ZWILCH: variants seen among roughly 807,000 people sequenced by gnomAD.
The protein encoded by ZWILCH is protein zwilch homolog.
A neutral mutation model predicts 79.9 loss-of-function variants in ZWILCH; 74 were observed. The observed-to-expected ratio is 0.93, with a 90% CI of 0.77 to 1.12. ZWILCH has a LOEUF of 1.12. Ranked by LOEUF, ZWILCH falls within the 50% of genes most tolerant of loss-of-function variation. The pLI is 0.00. For synonymous variants in ZWILCH, 241 were observed against 228.2 expected, an observed-to-expected ratio of 1.06 and a Z score of -0.51; for missense variants, 694 against 687.5, an observed-to-expected ratio of 1.01 and a Z score of -0.11.
chr15:66,513,328 G>C (rs565542314), intron 2 of ZWILCH, among the ~76,000 whole-genome samples: 6 of 151,950 alleles, frequency 3.9e-5, no homozygotes, highest in Non-Finnish European at 8.8e-5. Context: ...CACTTTGGGA[G>C]ACAGAGGTGG....
At chr15:66,521,758 T>A (rs1740146232) in intron 7 of ZWILCH, among the ~76,000 whole-genome samples, 1 of 151,966 alleles carries the variant, frequency 6.6e-6, no homozygotes, top group Non-Finnish European at 1.5e-5. Flanking sequence ...CCTCCCAAAG[T>A]GGCTCACGCC....
At chr15:66,516,183 A>T (rs1894247542) in intron 4 of ZWILCH, among the ~76,000 whole-genome samples, 1 of 152,192 alleles carries the variant, frequency 6.6e-6, no homozygotes, top group African/African-American at 2.4e-5. Context: ...TGGATGGTAA[A>T]CATCCTGCAA....
At chr15:66,514,127 C>T in intron 3 of ZWILCH, 44 bp downstream of exon 3, 2 of 1,436,930 alleles carry the variant, frequency 1.4e-6, no homozygotes, top group African/African-American at 1.4e-5. Flanking sequence ...TCTCCATAAC[C>T]AAATTTGGTT....
intron 13 of ZWILCH, among the ~76,000 whole-genome samples, chr15:66,532,644 C>T (rs931963518): frequency 4.6e-5 from 7 of 151,676 alleles, no homozygotes; most frequent in Non-Finnish European, 1.0e-4. Context: ...CAAACATTTG[C>T]GGTTCTATAA....
intron 2 of ZWILCH, among the ~76,000 whole-genome samples, chr15:66,509,240 G>A (rs554960729): frequency 3.7e-4 from 57 of 152,104 alleles, no homozygotes; most frequent in African/African-American, 1.3e-3. Flanking sequence ...GCGCCCGGCC[G>A]AACTTCTGAT....
In ZWILCH at chr15:66,549,715, C is replaced by G. The variant is rs1471278734; in HGVS notation, c.*1391C>G. 1.1e-5 allele frequency: 2 copies of G among 183,242 alleles called. No homozygotes were observed. The highest frequency in any genetic ancestry group is 2.2e-5 in the Non-Finnish European group (2 of 89,296). 11.4% of individuals were successfully genotyped at this position (183,242 alleles called of 1,614,324 possible). On this transcript the variant is annotated 3_prime_UTR_variant, in exon 19 of 19. Coordinates refer to ENST00000307897, the MANE Select transcript of ZWILCH (RefSeq NM_017975.5). ...CTCAAGTATTCTTTTTTCCTTCATC[C>G]CAGTTGGTATAGTGGTTGGCTTTTC... is the stretch of plus-strand genomic sequence containing the variant.
chr15:66,516,413 A>C (rs962460782), intron 4 of ZWILCH, among the ~76,000 whole-genome samples: 7 of 152,262 alleles, frequency 4.6e-5, no homozygotes, highest in African/African-American at 1.7e-4. Flanking sequence ...TGCAAATACT[A>C]ACAGAATGGT....
At chr15:66,531,377 A>G (rs1412619339) in intron 12 of ZWILCH, among the ~76,000 whole-genome samples, 3 of 152,222 alleles carry the variant, frequency 2.0e-5, no homozygotes, top group African/African-American at 2.4e-5. Flanking sequence ...GTGGAATCGT[A>G]TCTGGGGATG....
At chr15:66,543,036 A>G (rs1272337066) in intron 17 of ZWILCH, among the ~76,000 whole-genome samples, 1 of 152,050 alleles carries the variant, frequency 6.6e-6, no homozygotes, top group Non-Finnish European at 1.5e-5. Context: ...AGTACCCATC[A>G]AAATTGTAAA....
intron 3 of ZWILCH, among the ~76,000 whole-genome samples, chr15:66,515,038 C>G (rs1037056442): frequency 6.6e-6 from 1 of 152,096 alleles, no homozygotes; most frequent in Non-Finnish European, 1.5e-5. Context: ...ACCTCCCAAG[C>G]TCAAGCAATC....
intron 14 of ZWILCH, among the ~76,000 whole-genome samples, chr15:66,533,889 T>C (rs1334105906): frequency 1.3e-5 from 2 of 152,056 alleles, no homozygotes; most frequent in Admixed American, 1.3e-4. Context: ...GGAGGATCAC[T>C]TGAGCCCAGG....
chr15:66,534,942 G>T (rs1315061651), intron 14 of ZWILCH, among the ~76,000 whole-genome samples: 3 of 151,424 alleles, frequency 2.0e-5, no homozygotes, highest in Non-Finnish European at 2.9e-5. Context: ...AAACTTTTTG[G>T]TTTTTTTGTA....
chr15:66,517,713 TTTCTTTTCTTTCC>T (rs1469853149), intron 4 of ZWILCH, among the ~76,000 whole-genome samples: 5 of 141,572 alleles, frequency 3.5e-5, no homozygotes, highest in Non-Finnish European at 7.5e-5. Flanking sequence ...GTCCTACTTC[TTTCTTTTCTTTCC>T]TTTTTTTTTT....
chr15:66,516,391 C>T lies in ZWILCH; in HGVS notation c.320+747C>T, dbSNP rs562095868. On this transcript the variant is annotated intron_variant, in intron 4 of 18. Coordinates refer to ENST00000307897, the MANE Select transcript of ZWILCH (RefSeq NM_017975.5). ...AGTCCTTGTCTTCAGGGTGTCCTGG[C>T]GAATATAGTCATGCAAATACTAACA... 2.8e-4 allele frequency among the ~76,000 whole-genome samples: 43 copies of T among 152,144 alleles called. No individual in the cohort carries two copies. In the South Asian group the frequency reaches 7.5e-3, roughly 26 times the overall value.
Position 66,537,220 on chromosome 15 carries a change from C to T in ZWILCH, c.1531C>T (p.Gln511Ter), listed in dbSNP as rs1895043264. The change falls in exon 16 of 19, where the codon CAG (glutamine) becomes TAG (stop). Residue 511 changes from glutamine (Q) to a stop codon, truncating the protein, a stop_gained. Transcript: ENST00000307897. LOFTEE classifies it high-confidence loss of function. ...QNPLDEQHIF[Q>*]LPVRPTAVKN... is the part of the protein sequence containing the mutation. ...TCCTCTTGATGAGCAACACATTTTT[C>T]AGCTGCCAGTCAGACCAACTGCTGT... 6.2e-7 allele frequency: 1 copy of T among 1,613,282 alleles called. No individual in the cohort carries two copies.
chr15:66,506,268 T>TA (rs202227250), intron 1 of ZWILCH, among the ~76,000 whole-genome samples: 1,894 of 152,202 alleles, frequency 0.012, 33 homozygotes, highest in African/African-American at 0.041. Flanking sequence ...CACTAGCTTT[T>TA]AAAAAAAACT....
rs184225895 is a variant in ZWILCH at position 66,537,196 on chromosome 15, C to T, written c.1507C>T (p.Pro503Ser). 340 of 1,613,350 alleles carry T rather than the reference C, an allele frequency of 2.1e-4. 6 individuals are homozygous for T. In the South Asian group the frequency reaches 3.0e-3, roughly 14 times the overall value. The change falls in exon 16 of 19, where the codon CCT becomes TCT. Residue 503 changes from proline to serine, a missense_variant. Pro to Ser is a moderately conservative substitution (Grantham distance 74, BLOSUM62 -1). Coordinates refer to ENST00000307897, the MANE Select transcript of ZWILCH (RefSeq NM_017975.5). Reference protein sequence around the residue: ...QICIKYYKQNPLDEQHIFQLP... With the variant: ...QICIKYYKQNSLDEQHIFQLP... ...CTGCATAAAGTATTACAAACAAAATCCTCTTGATGAGCAACACATTTTTCA... is the reference window on the plus strand; with the variant it reads ...CTGCATAAAGTATTACAAACAAAATTCTCTTGATGAGCAACACATTTTTCA...
chr15:66,547,396 AC>A (rs1198265798), intron 18 of ZWILCH: 1 of 151,622 alleles, frequency 6.6e-6, no homozygotes, highest in African/African-American at 2.4e-5. Flanking sequence ...GACATTTTCT[AC>A]TGTCTTATTC....
At position 66,515,656 on chromosome 15, in the gene ZWILCH, C is replaced by T; in HGVS notation, c.320+12C>T. 1 of 1,575,288 alleles carries T rather than the reference C, an allele frequency of 6.3e-7. No homozygotes were observed. Among genetic ancestry groups the T allele is most frequent in the Non-Finnish European group, 8.7e-7 (1 of 1,145,948 alleles). ...GTTGGGAAGGCAAGGTAGGTTTTCT[C>T]TTATGCTGAGTAGGGGTGGCAACTA... On this transcript the variant is annotated intron_variant, in intron 4 of 18. Transcript: ENST00000307897.
Sources: allele counts gnomAD v4.1 joint callset (sites outside exome capture counted in the v4.1 genomes callset), GRCh38; gene constraint gnomAD v4.1.1; transcripts MANE v1.5; gene names NCBI Gene and HGNC (gene_info 2026-07-23, HGNC 2026-07-21).